UCP3: variants seen among roughly 807,000 people sequenced by gnomAD.
UCP3 encodes putative mitochondrial transporter UCP3.
A neutral mutation model predicts 28.1 loss-of-function variants in UCP3; 24 were observed. The observed-to-expected ratio is 0.85, with a 90% CI of 0.62 to 1.20. The LOEUF is 1.20. Ranked by LOEUF, UCP3 falls within the 50% of genes most tolerant of loss-of-function variation. The pLI is 0.00. For missense variants in UCP3, 397 were observed against 422.2 expected, an observed-to-expected ratio of 0.94 and a Z score of 0.52; for synonymous variants, 184 against 171.2, an observed-to-expected ratio of 1.07 and a Z score of -0.59.
intron 1 of UCP3, among the ~76,000 whole-genome samples, chr11:74,008,388 G>A (rs1951682220): frequency 1.3e-5 from 2 of 152,150 alleles, no homozygotes; most frequent in South Asian, 4.1e-4. Flanking sequence ...CTCTGAAGCA[G>A]GGGAAGAGGA....
intron 1 of UCP3, among the ~76,000 whole-genome samples, chr11:74,008,414 TCCTA>T (rs1489315493): frequency 6.6e-6 from 1 of 152,040 alleles, no homozygotes; most frequent in African/African-American, 2.4e-5. Context: ...TTTTGAGACA[TCCTA>T]CCCAACACCA....
chr11:74,001,595 CG>C, intron 6 of UCP3, 69 bp from the exon 7 acceptor site: 1 of 1,379,316 alleles, frequency 7.2e-7, no homozygotes, highest in Non-Finnish European at 1.0e-6. Flanking sequence ...TGTGCTCTCC[CG>C]GGACACAGTG....
At chr11:74,005,608 G>A (rs1951657723) in intron 4 of UCP3, 122 bp downstream of exon 4, 4 of 1,138,886 alleles carry the variant, frequency 3.5e-6, no homozygotes, top group Admixed American at 1.9e-5. Flanking sequence ...TGGTTGTGAT[G>A]TTCTTTCAGA....
intron 2 of UCP3, 118 bp downstream of exon 2, chr11:74,006,799 G>A: frequency 6.6e-7 from 1 of 1,520,426 alleles, no homozygotes; most frequent in Non-Finnish European, 9.1e-7. Context: ...AAGCAGTGGA[G>A]TGAGAGTCTT....
In UCP3 at chr11:74,006,988, C is replaced by G. The variant is rs1433167356; in HGVS notation, c.55G>C (p.Gly19Arg). Residue 19 changes from glycine (G) to arginine (R), a missense_variant, in exon 2 of 7, where the codon GGG becomes CGG. Gly to Arg is a moderately radical substitution (Grantham distance 125, BLOSUM62 -2). Transcript: ENST00000314032. ...GCAAAACAGGCTGCTGTGCCTGCCC[C>G]CAGGAACTTCACAGCCATGGTGGGA... is the stretch of plus-strand genomic sequence containing the variant. ...VPPTMAVKFL[G>R]AGTAACFADL... 2 of 1,614,076 alleles carry G rather than the reference C, an allele frequency of 1.2e-6. No homozygotes were observed. Among genetic ancestry groups the G allele is most frequent in the Non-Finnish European group, 1.7e-6 (2 of 1,180,038 alleles).
intron 1 of UCP3, among the ~76,000 whole-genome samples, chr11:74,008,294 A>T (rs1232782184): frequency 6.6e-6 from 1 of 152,150 alleles, no homozygotes; most frequent in Non-Finnish European, 1.5e-5. Context: ...TACAGAGCAG[A>T]TTCTCAGCTC....
Position 74,004,558 on chromosome 11 carries a change from G to A in UCP3, c.569C>T (p.Ala190Val). ...KGTLPNIMRN[A>V]IVNCAEVVTY... is the part of the protein sequence containing the mutation. ...CACCACCTCAGCACAGTTGACGATA[G>A]CATTCCTCATGATGTTGGGCAAAGT... The change falls in exon 5 of 7, where the codon GCT becomes GTT. Residue 190 changes from alanine (A) to valine (V), a missense_variant. By Grantham distance (64) the Ala-to-Val change is moderately conservative. Transcript: ENST00000314032. 6.2e-7 allele frequency: 1 copy of A among 1,613,962 alleles called. No individual in the cohort carries two copies. Among genetic ancestry groups the A allele is most frequent in the Non-Finnish European group, 8.5e-7 (1 of 1,179,888 alleles).
chr11:74,006,327 C>A lies in UCP3; in HGVS notation c.179G>T (p.Gly60Val). The change falls in exon 3 of 7, where the codon GGC (glycine) becomes GTC (valine). Residue 60 changes from glycine to valine, a missense_variant. By Grantham distance (109) the Gly-to-Val change is moderately radical. Transcript: ENST00000314032. ...CATGGTCAGGATGGTGCCCAGCACG[C>A]CACGGTACTGCACGAGCCGGGCCGT... is the stretch of plus-strand genomic sequence containing the variant. ...VQTARLVQYR[G>V]VLGTILTMVR... is the part of the protein sequence containing the mutation. 3 of 1,604,684 alleles carry A rather than the reference C, an allele frequency of 1.9e-6. No individual in the cohort carries two copies. Among genetic ancestry groups the A allele is most frequent in the Non-Finnish European group, 2.5e-6 (3 of 1,177,490 alleles).
chr11:74,005,591 G>A (rs1260583932), intron 4 of UCP3, 139 bp downstream of exon 4: 9 of 995,730 alleles, frequency 9.0e-6, no homozygotes, highest in Non-Finnish European at 1.2e-5. Flanking sequence ...GGTCAGTGAA[G>A]TATCTTTGGT....
chr11:74,008,179 T>C (rs1374141069), intron 1 of UCP3, among the ~76,000 whole-genome samples: 3 of 152,170 alleles, frequency 2.0e-5, no homozygotes, highest in Non-Finnish European at 4.4e-5. Flanking sequence ...GTGCTGGAGC[T>C]GAGATTGGTG....
intron 4 of UCP3, 136 bp from the exon 5 acceptor site, chr11:74,004,721 C>T: frequency 1.4e-6 from 1 of 714,432 alleles, no homozygotes; most frequent in Non-Finnish European, 2.3e-6. Context: ...ATGGTCTCAG[C>T]CAGAGGATCC....
rs151034480 is a variant in UCP3 at position 74,005,938 on chromosome 11, G to A, written c.338-5C>T. On this transcript the variant is annotated splice_region_variant and splice_polypyrimidine_tract_variant and intron_variant, in intron 3 of 6. Transcript: ENST00000314032. ...TCCGGGTAGTGAGGCTGGAGTCTGG[G>A]AGGGGCAGAGAGAGTGGGCCAGTGT... The A allele has an allele frequency of 1.0e-4, 163 of 1,613,996 alleles. No individual in the cohort carries two copies. Among genetic ancestry groups the A allele is most frequent in the Non-Finnish European group, 1.2e-4 (147 of 1,179,982 alleles).
chr11:74,005,705 G>A (rs192533625), intron 4 of UCP3, 25 bp downstream of exon 4: 111 of 1,613,076 alleles, frequency 6.9e-5, no homozygotes, highest in African/African-American at 6.4e-4. Context: ...GCCTAAGACC[G>A]CCTGCGTCCA....
rs757926172 is a variant in UCP3, at chr11:74,006,187, T to C, written c.319A>G (p.Thr107Ala). 1 of 1,614,032 alleles carries C rather than the reference T, an allele frequency of 6.2e-7. No homozygotes were observed. The highest frequency in any genetic ancestry group is 1.1e-5 in the South Asian group (1 of 91,080). The change falls in exon 3 of 7, where the codon ACC (threonine) becomes GCC (alanine). Residue 107 changes from threonine to alanine, a missense_variant. By Grantham distance (58) the Thr-to-Ala change is moderately conservative. Coordinates refer to ENST00000314032, the MANE Select transcript of UCP3 (RefSeq NM_003356.4). ...GLYDSVKQVYTPKGADNSSLT... is the reference protein window; with the variant it reads ...GLYDSVKQVYAPKGADNSSLT... ...CACTCACTGTCCGCGCCTTTGGGGG[T>C]GTACACCTGCTTGACGGAGTCATAG...
At position 74,001,153 on chromosome 11, in the gene UCP3, A is replaced by T; in HGVS notation, c.*259T>A. The T allele has an allele frequency of 2.0e-6, 1 of 501,388 alleles. No homozygotes were observed. The highest frequency in any genetic ancestry group is 3.6e-6 in the Non-Finnish European group (1 of 279,172). The allele number at this position is 501,388 out of a possible 1,614,324, so 31.1% of individuals were successfully genotyped here. On this transcript the variant is annotated 3_prime_UTR_variant, in exon 7 of 7. Coordinates refer to ENST00000314032, the MANE Select transcript of UCP3 (RefSeq NM_003356.4). ...GTTTATTTTCTCTTGCCTAAATATT[A>T]GGCATGCCTAATGGGTTTCAAAAAT... is the stretch of plus-strand genomic sequence containing the variant.
chr11:74,001,259 C>G lies in UCP3; in HGVS notation c.*153G>C, dbSNP rs1203277236. On this transcript the variant is annotated 3_prime_UTR_variant, in exon 7 of 7. Coordinates refer to ENST00000314032, the MANE Select transcript of UCP3 (RefSeq NM_003356.4). ...GGCAGTGAAGACCAGAATCCCTCCTCCTCTTCTACTTCTGTTTCTTGAATC... is the reference window on the plus strand; with the variant it reads ...GGCAGTGAAGACCAGAATCCCTCCTGCTCTTCTACTTCTGTTTCTTGAATC... 2 of 711,654 alleles carry G rather than the reference C, an allele frequency of 2.8e-6. No homozygotes were observed. Among genetic ancestry groups the G allele is most frequent in the Non-Finnish European group, 4.8e-6 (2 of 416,656 alleles). 44.1% of individuals were successfully genotyped at this position (711,654 alleles called of 1,614,324 possible).
intron 4 of UCP3, 103 bp downstream of exon 4, chr11:74,005,627 A>G: frequency 7.7e-7 from 1 of 1,296,040 alleles, no homozygotes; most frequent in African/African-American, 1.5e-5. Flanking sequence ...GAATCACTGG[A>G]ACACGCCATG....
At chr11:74,001,864 C>T (rs552967403) in intron 6 of UCP3, 38 of 328,788 alleles carry the variant, frequency 1.2e-4, no homozygotes, top group South Asian at 5.0e-4. Context: ...CAAAGACCCG[C>T]GGCTAGTAAG....
In UCP3 at chr11:74,003,755, C is replaced by T. The variant is rs1270231379; in HGVS notation, c.824+72G>A. On this transcript the variant is annotated intron_variant, in intron 6 of 6. Coordinates refer to ENST00000314032, the MANE Select transcript of UCP3 (RefSeq NM_003356.4). Reference sequence around the variant, plus strand: ...CACCGCTACATCCCAGGTTGACCCACGGTAGCCACATTCGAAAAGAAAGAA... The same window carrying T: ...CACCGCTACATCCCAGGTTGACCCATGGTAGCCACATTCGAAAAGAAAGAA... 40 of 1,517,380 alleles carry T rather than the reference C, an allele frequency of 2.6e-5. 1 individual carries two copies. In the South Asian group the frequency reaches 3.5e-4, roughly 13 times the overall value. The allele number at this position is 1,517,380 out of a possible 1,614,324, so 94.0% of individuals were successfully genotyped here. A position where few individuals can be genotyped will look rare whatever the true frequency, so the allele number is the denominator to read the frequency against.
Sources: allele counts gnomAD v4.1 joint callset (sites outside exome capture counted in the v4.1 genomes callset), GRCh38; gene constraint gnomAD v4.1.1; transcripts MANE v1.5; gene names NCBI Gene and HGNC (gene_info 2026-07-23, HGNC 2026-07-21).